The following SNX18 variants were observed in gnomAD, a reference collection of about 807,000 sequenced individuals.
The protein encoded by SNX18 is sorting nexin 18, also known as sorting nexin-18.
A neutral mutation model predicts 48.7 loss-of-function variants in SNX18; 35 were observed. That is an observed-to-expected ratio of 0.72 (90% confidence interval 0.55 to 0.95). The LOEUF (loss-of-function observed/expected upper bound fraction) is 0.95, where lower values mean the gene tolerates loss of function less well. Ranked by LOEUF, SNX18 falls within the 40% of genes least tolerant of loss-of-function variation. The pLI is 0.00. For missense variants in SNX18, 824 were observed against 871.0 expected (o/e 0.95, Z 0.68); for synonymous variants, 492 against 384.7 (o/e 1.28, Z -3.26).
chr5:54,627,891 CAA>C, the SNX18 span, among the ~76,000 whole-genome samples: 1 of 152,228 alleles, frequency 6.6e-6, no homozygotes, highest in Non-Finnish European at 1.5e-5. Context: ...GGCTATTTGG[CAA>C]AGACTTTTCA....
At chr5:54,576,615 C>T in the SNX18 span, among the ~76,000 whole-genome samples, 2 of 152,280 alleles carry the variant, frequency 1.3e-5, no homozygotes, top group East Asian at 1.9e-4. Context: ...TATGTGCACC[C>T]CTCCCTTCCT....
the SNX18 span, among the ~76,000 whole-genome samples, chr5:54,564,946 G>A: frequency 6.6e-6 from 1 of 152,176 alleles, no homozygotes; most frequent in Non-Finnish European, 1.5e-5. Flanking sequence ...GGTAAAATTC[G>A]TTTTCTTCCC....
chr5:54,626,510 G>A, the SNX18 span, among the ~76,000 whole-genome samples: 1 of 152,202 alleles, frequency 6.6e-6, no homozygotes, highest in African/African-American at 2.4e-5. Context: ...ACACCAGGTA[G>A]AGCAGCTCTC....
the SNX18 span, among the ~76,000 whole-genome samples, chr5:54,625,884 T>C: frequency 6.6e-6 from 1 of 152,196 alleles, no homozygotes; most frequent in Non-Finnish European, 1.5e-5. Context: ...GATATAAGCA[T>C]GGAGCCTCAG....
chr5:54,591,009 C>A, the SNX18 span, among the ~76,000 whole-genome samples: 1 of 152,054 alleles, frequency 6.6e-6, no homozygotes, highest in African/African-American at 2.4e-5. Flanking sequence ...CCCCATCCCC[C>A]CTCACTTCTC....
At chr5:54,594,375 G>A in the SNX18 span, among the ~76,000 whole-genome samples, 6 of 152,172 alleles carry the variant, frequency 3.9e-5, no homozygotes, top group Admixed American at 3.9e-4. Context: ...GTACCCTTAT[G>A]TGCAGAAAAG....
chr5:54,542,739 G>T (rs1762495595), intron 1 of SNX18, among the ~76,000 whole-genome samples: 1 of 152,222 alleles, frequency 6.6e-6, no homozygotes, highest in South Asian at 2.1e-4. Context: ...TTCTGAGGAA[G>T]TGGGTTTGGA....
At chr5:54,559,972 A>T in the SNX18 span, among the ~76,000 whole-genome samples, 1 of 152,214 alleles carries the variant, frequency 6.6e-6, no homozygotes, top group South Asian at 2.1e-4. Flanking sequence ...ATCATCACTG[A>T]TCACTAGAGA....
At chr5:54,565,323 C>A in the SNX18 span, among the ~76,000 whole-genome samples, 1 of 152,160 alleles carries the variant, frequency 6.6e-6, no homozygotes, top group African/African-American at 2.4e-5. Flanking sequence ...CCTATAATCC[C>A]AGCACTTTGG....
At chr5:54,602,744 G>C in the SNX18 span, among the ~76,000 whole-genome samples, 1 of 152,164 alleles carries the variant, frequency 6.6e-6, no homozygotes, top group East Asian at 1.9e-4. Context: ...CTCTTGGCTT[G>C]GGGTTTTATA....
At chr5:54,578,643 G>GC in the SNX18 span, among the ~76,000 whole-genome samples, 1 of 152,214 alleles carries the variant, frequency 6.6e-6, no homozygotes, top group African/African-American at 2.4e-5. Context: ...AGGTCCCCCT[G>GC]CCCCAGGGAG....
At chr5:54,572,967 A>G in the SNX18 span, among the ~76,000 whole-genome samples, 1 of 150,762 alleles carries the variant, frequency 6.6e-6, no homozygotes, top group African/African-American at 2.4e-5. Context: ...GGCTAGGAAA[A>G]TGTGGCTGGG....
rs1761910229 is a variant in SNX18 at position 54,518,175 on chromosome 5, C to G, written c.223C>G (p.Pro75Ala). Reference protein sequence around the residue: ...GPAGDGGPGAPARYANVPPGG... With the variant: ...GPAGDGGPGAAARYANVPPGG... The stretch of plus-strand genomic sequence containing the variant: ...GGCGGGAGACGGCGGCCCGGGCGCC[C>G]CGGCCCGCTACGCCAATGTGCCCCC... The change falls in exon 1 of 2, where the codon CCG (proline) becomes GCG (alanine). Residue 75 changes from proline (P) to alanine (A), a missense_variant. Pro to Ala is a conservative substitution (Grantham distance 27, BLOSUM62 -1). Around this residue, in one of 3 missense-constraint regions of SNX18, gnomAD observed 377 missense variants for 350.6 expected, o/e 1.08. Coordinates refer to ENST00000381410, the MANE Select transcript of SNX18 (RefSeq NM_001102575.2). 1 of 1,385,804 alleles carries G rather than the reference C, an allele frequency of 7.2e-7. No homozygotes were observed. Among genetic ancestry groups the G allele is most frequent in the Admixed American group, 3.7e-5 (1 of 26,730 alleles). 85.8% of individuals were successfully genotyped at this position (1,385,804 alleles called of 1,614,324 possible).
At chr5:54,629,510 C>A in the SNX18 span, among the ~76,000 whole-genome samples, 2 of 152,184 alleles carry the variant, frequency 1.3e-5, no homozygotes, top group Non-Finnish European at 2.9e-5. Context: ...AAGCATATAA[C>A]TTAATACCTC....
chr5:54,532,342 A>G (rs1762266564), intron 1 of SNX18, among the ~76,000 whole-genome samples: 1 of 131,982 alleles, frequency 7.6e-6, no homozygotes, highest in African/African-American at 2.8e-5. Flanking sequence ...TGTAGAGACC[A>G]GTATGCGTGC....
the SNX18 span, among the ~76,000 whole-genome samples, chr5:54,627,413 T>C: frequency 3.3e-5 from 5 of 152,204 alleles, no homozygotes. Flanking sequence ...TTGCTGTTAA[T>C]GGAAACATGT....
At chr5:54,600,888 T>C in the SNX18 span, among the ~76,000 whole-genome samples, 2,728 of 152,274 alleles carry the variant, frequency 0.018, 73 homozygotes, top group African/African-American at 0.062. Flanking sequence ...TTGGGCTTAA[T>C]ACCTAGGTGA....
rs199620482 is a variant in SNX18, at chr5:54,518,622, A to G, written c.670A>G (p.Thr224Ala). ...HHPSGPKSSATVSRNLNRFST... is the reference protein window; with the variant it reads ...HHPSGPKSSAAVSRNLNRFST... ...CCCGTCGGGGCCCAAGAGCTCGGCC[A>G]CCGTGAGCCGCAACCTCAATCGCTT... Residue 224 changes from threonine to alanine, a missense_variant, in exon 1 of 2, where the codon ACC becomes GCC. Transcript: ENST00000381410. 3.1e-5 allele frequency: 48 copies of G among 1,561,138 alleles called. No homozygotes were observed. The highest frequency in any genetic ancestry group is 9.7e-5 in the Admixed American group (5 of 51,526).
chr5:54,612,978 C>A, the SNX18 span, among the ~76,000 whole-genome samples: 1 of 152,222 alleles, frequency 6.6e-6, no homozygotes, highest in African/African-American at 2.4e-5. Flanking sequence ...TCCCCCACAG[C>A]AAAGCTGTCA....
Sources: allele counts gnomAD v4.1 joint callset (sites outside exome capture counted in the v4.1 genomes callset), GRCh38; gene constraint gnomAD v4.1.1; regional missense constraint gnomAD v4.1.1; transcripts MANE v1.5; gene names NCBI Gene and HGNC (gene_info 2026-07-23, HGNC 2026-07-21).